Variants in LDLRAD4 observed in about 807,000 individuals in gnomAD.
LDLRAD4 encodes the protein low-density lipoprotein receptor class A domain-containing protein 4.
In LDLRAD4, 5 loss-of-function variants were observed where a neutral mutation model predicts 17.0. That is an observed-to-expected ratio of 0.29 (90% confidence interval 0.15 to 0.62). The LOEUF (loss-of-function observed/expected upper bound fraction) is 0.62, where lower values mean the gene tolerates loss of function less well. Among genes scored for constraint, LDLRAD4 ranks in the 20% least tolerant of loss-of-function variants. The probability of loss-of-function intolerance (pLI) is 0.84; values close to 1 mark genes in which losing one functional copy is unlikely to be tolerated. For missense variants in LDLRAD4, 340 were observed against 424.7 expected, an observed-to-expected ratio of 0.80 and a Z score of 1.75; for synonymous variants, 168 against 171.8, an observed-to-expected ratio of 0.98 and a Z score of 0.17.
chr18:13,402,009 CAGT>C (rs1277541699), intron 2 of LDLRAD4, among the ~76,000 whole-genome samples: 5 of 152,246 alleles, frequency 3.3e-5, no homozygotes, highest in Non-Finnish European at 5.9e-5. Flanking sequence ...CGCAGAGAAT[CAGT>C]GGTGGCGCTT....
chr18:13,588,248 C>A (rs2094960731), intron 3 of LDLRAD4, among the ~76,000 whole-genome samples: 1 of 152,196 alleles, frequency 6.6e-6, no homozygotes, highest in Non-Finnish European at 1.5e-5. Context: ...GGGCCTGTGG[C>A]TTCTCTAGCA....
chr18:13,469,464 C>T (rs2092710368), intron 3 of LDLRAD4, among the ~76,000 whole-genome samples: 1 of 152,024 alleles, frequency 6.6e-6, no homozygotes, highest in South Asian at 2.1e-4. Context: ...TCACAATGGC[C>T]AGAGAGTGGA....
chr18:13,370,640 G>T (rs886540986), intron 1 of LDLRAD4, among the ~76,000 whole-genome samples: 5 of 151,860 alleles, frequency 3.3e-5, no homozygotes, highest in Non-Finnish European at 7.4e-5. Flanking sequence ...CATGGAGACT[G>T]CCATTTTCTG....
At chr18:13,313,770 C>T (rs2146777404) in intron 1 of LDLRAD4, among the ~76,000 whole-genome samples, 1 of 152,338 alleles carries the variant, frequency 6.6e-6, no homozygotes, top group East Asian at 1.9e-4. Context: ...TTGTTCCCTA[C>T]ACCTGCAAAA....
intron 1 of LDLRAD4, among the ~76,000 whole-genome samples, chr18:13,292,016 G>C (rs1011705441): frequency 6.6e-6 from 1 of 152,130 alleles, no homozygotes; most frequent in Non-Finnish European, 1.5e-5. Flanking sequence ...ACAGAAGTTG[G>C]GTGTTTTTAG....
intron 3 of LDLRAD4, among the ~76,000 whole-genome samples, chr18:13,481,112 T>C (rs1600698363): frequency 6.6e-6 from 1 of 152,182 alleles, no homozygotes; most frequent in East Asian, 1.9e-4. Context: ...GGCTGCACAA[T>C]GGCTGAGCCT....
intron 3 of LDLRAD4, among the ~76,000 whole-genome samples, chr18:13,473,639 A>G (rs970916613): frequency 3.1e-5 from 1 of 32,706 alleles, no homozygotes; most frequent in African/African-American, 1.2e-4. Flanking sequence ...CCCATCTCAT[A>G]TATATATATA....
At chr18:13,607,873 C>T (rs1230423059) in intron 3 of LDLRAD4, among the ~76,000 whole-genome samples, 1 of 152,148 alleles carries the variant, frequency 6.6e-6, no homozygotes, top group Non-Finnish European at 1.5e-5. Flanking sequence ...CTTTCCAAGT[C>T]TTTGCTATTG....
intron 3 of LDLRAD4, among the ~76,000 whole-genome samples, chr18:13,589,632 G>T (rs1265278306): frequency 1.3e-5 from 2 of 152,132 alleles, no homozygotes; most frequent in Non-Finnish European, 1.5e-5. Context: ...CCCAGGCTGG[G>T]TCCCTCAGGC....
At chr18:13,343,832 A>G (rs1599552695) in intron 1 of LDLRAD4, among the ~76,000 whole-genome samples, 1 of 152,214 alleles carries the variant, frequency 6.6e-6, no homozygotes, top group African/African-American at 2.4e-5. Context: ...TCTGATGGCC[A>G]GTGATGATGA....
intron 1 of LDLRAD4, among the ~76,000 whole-genome samples, chr18:13,257,834 C>G (rs1017170356): frequency 6.6e-6 from 1 of 152,210 alleles, no homozygotes; most frequent in African/African-American, 2.4e-5. Context: ...CCCAATGTGT[C>G]TGTCGTGCCC....
At chr18:13,395,963 G>A (rs1273035767) in intron 2 of LDLRAD4, among the ~76,000 whole-genome samples, 1 of 152,130 alleles carries the variant, frequency 6.6e-6, no homozygotes, top group Non-Finnish European at 1.5e-5. Flanking sequence ...TCATGGAGTC[G>A]TCACAGGCCA....
intron 1 of LDLRAD4, among the ~76,000 whole-genome samples, chr18:13,302,380 C>T (rs190130743): frequency 1.7e-4 from 26 of 152,280 alleles, no homozygotes; most frequent in Admixed American, 4.6e-4. Flanking sequence ...AGGGGAGTAA[C>T]AGCTTGCTGC....
At chr18:13,463,319 C>T (rs73406356) in intron 3 of LDLRAD4, among the ~76,000 whole-genome samples, 14,500 of 152,170 alleles carry the variant, frequency 0.095, 832 homozygotes, top group East Asian at 0.22. Context: ...TGCTGCCTGC[C>T]CACCCGCCTC....
intron 1 of LDLRAD4, among the ~76,000 whole-genome samples, chr18:13,340,366 A>G (rs1429778465): frequency 6.6e-6 from 1 of 152,194 alleles, no homozygotes; most frequent in Non-Finnish European, 1.5e-5. Flanking sequence ...CAGGGGCTGC[A>G]CCATTTTACA....
intron 3 of LDLRAD4, among the ~76,000 whole-genome samples, chr18:13,446,248 GTGCCGC>G (rs1257044095): frequency 6.6e-6 from 1 of 152,170 alleles, no homozygotes; most frequent in Non-Finnish European, 1.5e-5. Context: ...CAGCCAAGGC[GTGCCGC>G]TGCTGGGGTG....
chr18:13,481,259 C>G (rs140589038), intron 3 of LDLRAD4, among the ~76,000 whole-genome samples: 1 of 152,172 alleles, frequency 6.6e-6, no homozygotes, highest in Non-Finnish European at 1.5e-5. Flanking sequence ...GCTGGGGAAG[C>G]GGGGACAGGA....
intron 2 of LDLRAD4, among the ~76,000 whole-genome samples, chr18:13,411,311 C>A (rs1208856122): frequency 1.3e-5 from 2 of 149,378 alleles, no homozygotes; most frequent in African/African-American, 4.9e-5. Flanking sequence ...GCAAAATCAT[C>A]TTTTGTTAGT....
intron 1 of LDLRAD4, among the ~76,000 whole-genome samples, chr18:13,232,209 T>C (rs80109538): frequency 0.013 from 1,997 of 152,322 alleles, 46 homozygotes; most frequent in African/African-American, 0.045. Context: ...GAGGAGCGTC[T>C]TCTGGGCGCT....
Sources: allele counts gnomAD v4.1 joint callset (sites outside exome capture counted in the v4.1 genomes callset), GRCh38; gene constraint gnomAD v4.1.1; transcripts MANE v1.5; gene names NCBI Gene and HGNC (gene_info 2026-07-23, HGNC 2026-07-21).